Variants in ATXN2L observed in about 807,000 individuals in gnomAD.
ATXN2L encodes the protein ataxin-2-like protein.
In ATXN2L, 24 loss-of-function variants were observed where a neutral mutation model predicts 120.7. The ratio of observed to expected loss-of-function variants is 0.20; its 90% CI spans 0.14 to 0.28. ATXN2L has a LOEUF of 0.28. Ranked by LOEUF, ATXN2L falls within the 10% of genes least tolerant of loss-of-function variation. The pLI is 1.00. For missense variants in ATXN2L, 1,312 were observed against 1,432.3 expected (o/e 0.92, Z 1.36); for synonymous variants, 653 against 568.1 (o/e 1.15, Z -2.13).
chr16:28,825,534 A>G (rs1489264184), intron 2 of ATXN2L, 90 bp from the exon 3 acceptor site: 15 of 1,537,708 alleles, frequency 9.8e-6, no homozygotes, highest in South Asian at 2.2e-5. Flanking sequence ...CACACAAGGC[A>G]GAATGAGTAG....
intron 8 of ATXN2L, 144 bp downstream of exon 8, chr16:28,830,202 A>G: frequency 2.5e-6 from 2 of 794,382 alleles, no homozygotes; most frequent in Non-Finnish European, 3.6e-6. Flanking sequence ...GTAAAGCGAG[A>G]TTATGTAATT....
chr16:28,836,366 G>T lies in ATXN2L; in HGVS notation c.*101G>T, dbSNP rs773701597. On this transcript the variant is annotated 3_prime_UTR_variant, in exon 22 of 22. Transcript: ENST00000336783. ...GAAGCCACAGTCGCCGCCGCCAGGG[G>T]CTTGCTCCTGGCTCTGTCCTTTGCT... is the stretch of plus-strand genomic sequence containing the variant. 6 of 1,613,612 alleles carry T rather than the reference G, an allele frequency of 3.7e-6. No individual in the cohort carries two copies. Among genetic ancestry groups the T allele is most frequent in the Admixed American group, 1.7e-5 (1 of 59,992 alleles).
intron 4 of ATXN2L, 41 bp downstream of exon 4, chr16:28,825,882 TAGG>T (rs2051748460): frequency 8.4e-6 from 13 of 1,552,722 alleles, no homozygotes; most frequent in East Asian, 2.2e-5. Context: ...AGTTGCAGAG[TAGG>T]AGGAGAATGA....
chr16:28,835,251 A>G (rs1228207229), intron 19 of ATXN2L, 27 bp from the exon 20 acceptor site: 1 of 1,613,468 alleles, frequency 6.2e-7, no homozygotes, highest in Non-Finnish European at 8.5e-7. Context: ...TGTGCTCAGC[A>G]CTGGTTCTCC....
In ATXN2L at chr16:28,834,702, G is replaced by C. The variant is rs375123323; in HGVS notation, c.2433+9G>C. ...CCCACTACCCCTCACAGGTGACTGC[G>C]GCCCAGGAGGGCAGTGAGGATCCAG... On this transcript the variant is annotated intron_variant, in intron 18 of 21. Coordinates refer to ENST00000336783, the MANE Select transcript of ATXN2L (RefSeq NM_007245.4). 291 of 1,599,444 alleles carry C rather than the reference G, an allele frequency of 1.8e-4. No homozygotes were observed. Among genetic ancestry groups the C allele is most frequent in the Non-Finnish European group, 2.4e-4 (277 of 1,170,550 alleles).
At chr16:28,834,293 T>C (rs1022800708) in intron 16 of ATXN2L, 50 bp from the exon 17 acceptor site, 1 of 1,611,742 alleles carries the variant, frequency 6.2e-7, no homozygotes, top group Admixed American at 1.7e-5. Flanking sequence ...CAGGCCTGTC[T>C]GGGCATTCGT....
At position 28,824,468 on chromosome 16, in the gene ATXN2L, C is replaced by T. The variant is rs544857991; in HGVS notation, c.300-898C>T. 16 of 1,287,872 alleles carry T rather than the reference C, an allele frequency of 1.2e-5. No homozygotes were observed. In the African/African-American group the frequency reaches 1.8e-4, roughly 15 times the overall value. 79.8% of individuals were successfully genotyped at this position (1,287,872 alleles called of 1,614,324 possible). A position where few individuals can be genotyped will look rare whatever the true frequency, so the allele number is the denominator to read the frequency against. On this transcript the variant is annotated intron_variant, in intron 1 of 21. Coordinates refer to ENST00000336783, the MANE Select transcript of ATXN2L (RefSeq NM_007245.4). ...TGTCCCCCAGCCCCGCCAGCGGCCC[C>T]CTCTTCGCCCTCAACCGCCGGTTAC...
chr16:28,823,461 G>C lies in ATXN2L; in HGVS notation c.202G>C (p.Gly68Arg). The part of the protein sequence containing the change: ...CLGPVAAAGS[G>R]LRRGAEGILA... The stretch of plus-strand genomic sequence containing the variant: ...GGGGCCTGTGGCCGCTGCCGGGAGC[G>C]GGCTCCGCCGGGGAGCCGAAGGCAT... The change falls in exon 1 of 22, where the codon GGG (glycine) becomes CGG (arginine). Residue 68 changes from glycine (G) to arginine (R), a missense_variant. By Grantham distance (125) the Gly-to-Arg change is moderately radical. Coordinates refer to ENST00000336783, the MANE Select transcript of ATXN2L (RefSeq NM_007245.4). The C allele has an allele frequency of 1.5e-6, 2 of 1,335,882 alleles. No individual in the cohort carries two copies. Among genetic ancestry groups the C allele is most frequent in the Non-Finnish European group, 9.5e-7 (1 of 1,048,942 alleles). The allele number at this position is 1,335,882 out of a possible 1,614,324, so 82.8% of individuals were successfully genotyped here. A position where few individuals can be genotyped will look rare whatever the true frequency, so the allele number is the denominator to read the frequency against.
At chr16:28,825,896 A>G in intron 4 of ATXN2L, 55 bp downstream of exon 4, 1 of 1,491,168 alleles carries the variant, frequency 6.7e-7, no homozygotes, top group Non-Finnish European at 9.3e-7. Context: ...AGGAGAATGA[A>G]ATAGGCTCAT....
In ATXN2L at chr16:28,833,270, C is replaced by T; in HGVS notation, c.1871C>T (p.Pro624Leu). The T allele has an allele frequency of 6.2e-7, 1 of 1,614,160 alleles. No homozygotes were observed. The highest frequency in any genetic ancestry group is 8.5e-7 in the Non-Finnish European group (1 of 1,180,034). ...GGAGGCACTGAGGGGCCAGAGCAGC[C>T]CCCACCACCTTGTCCAAGCCAAACT... ...PSGGTEGPEQ[P>L]PPPCPSQTGS... Residue 624 changes from proline (P) to leucine (L), a missense_variant, in exon 14 of 22, where the codon CCC becomes CTC. By Grantham distance (98) the Pro-to-Leu change is moderately conservative (BLOSUM62 -3). Coordinates refer to ENST00000336783, the MANE Select transcript of ATXN2L (RefSeq NM_007245.4).
chr16:28,832,576 G>A lies in ATXN2L; in HGVS notation c.1588+9G>A, dbSNP rs759660713. 5.6e-6 allele frequency: 9 copies of A among 1,613,750 alleles called. No individual in the cohort carries two copies. The highest frequency in any genetic ancestry group is 2.7e-5 in the African/African-American group (2 of 75,010). ...TCGGATAGCTGGGAAAGGTGAGGGT[G>A]GTTTTTTTTCTGCTGAGGATTAATG... On this transcript the variant is annotated intron_variant, in intron 12 of 21. Coordinates refer to ENST00000336783, the MANE Select transcript of ATXN2L (RefSeq NM_007245.4).
chr16:28,834,823 G>T, intron 18 of ATXN2L, 130 bp downstream of exon 18: 2 of 1,249,316 alleles, frequency 1.6e-6, no homozygotes, highest in African/African-American at 1.5e-5. Flanking sequence ...TGTGGTATTG[G>T]CGGTGTCAGA....
At chr16:28,828,660 A>AT (rs1325645278) in intron 6 of ATXN2L, among the ~76,000 whole-genome samples, 2 of 151,120 alleles carry the variant, frequency 1.3e-5, no homozygotes, top group Admixed American at 6.6e-5. Flanking sequence ...CCACGTTCCA[A>AT]TTTTTTTTCC....
At chr16:28,824,201 G>C (rs1208274243) in intron 1 of ATXN2L, 2 of 1,030,586 alleles carry the variant, frequency 1.9e-6, no homozygotes, top group Non-Finnish European at 2.3e-6. Context: ...CGCGCCCCGG[G>C]AACACCTAGG....
chr16:28,830,104 T>C (rs1291517471), intron 8 of ATXN2L, 46 bp downstream of exon 8: 9 of 1,553,446 alleles, frequency 5.8e-6, no homozygotes, highest in Non-Finnish European at 6.1e-6. Flanking sequence ...TCTGGGAATA[T>C]CCTGGGGCCT....
Position 28,836,943 on chromosome 16 carries a change from C to T in ATXN2L, c.*678C>T. On this transcript the variant is annotated 3_prime_UTR_variant, in exon 22 of 22. Coordinates refer to ENST00000336783, the MANE Select transcript of ATXN2L (RefSeq NM_007245.4). ...TGAATGGGAGGGGCCTCACAGAGGG[C>T]AGGGCCAGGGTCCAGCAGGGGTGGG... is the stretch of plus-strand genomic sequence containing the variant. 2.7e-6 allele frequency: 2 copies of T among 753,356 alleles called. No homozygotes were observed. The highest frequency in any genetic ancestry group is 5.4e-5 in the East Asian group (2 of 37,058). The allele number at this position is 753,356 out of a possible 1,614,324, so 46.7% of individuals were successfully genotyped here. A position where few individuals can be genotyped will look rare whatever the true frequency, so the allele number is the denominator to read the frequency against.
chr16:28,829,610 A>G, intron 7 of ATXN2L, 118 bp downstream of exon 7: 1 of 840,480 alleles, frequency 1.2e-6, no homozygotes, highest in Non-Finnish European at 1.9e-6. Context: ...CAGGGTCGCC[A>G]TCCCTACTCC....
intron 13 of ATXN2L, 33 bp downstream of exon 13, chr16:28,832,920 G>C (rs2055051790): frequency 1.2e-6 from 2 of 1,612,096 alleles, no homozygotes; most frequent in Non-Finnish European, 1.7e-6. Context: ...TATTAGCAGG[G>C]TAAAGGGGTT....
chr16:28,824,100 A>C, intron 1 of ATXN2L: 1 of 1,011,880 alleles, frequency 9.9e-7, no homozygotes, highest in Non-Finnish European at 1.2e-6. Flanking sequence ...AGGAGGGATG[A>C]CTGGGAGGAC....
Sources: allele counts gnomAD v4.1 joint callset (sites outside exome capture counted in the v4.1 genomes callset), GRCh38; gene constraint gnomAD v4.1.1; transcripts MANE v1.5; gene names NCBI Gene and HGNC (gene_info 2026-07-23, HGNC 2026-07-21).